PDE3A: variants seen among roughly 807,000 people sequenced by gnomAD.
The protein encoded by PDE3A is cGMP-inhibited 3',5'-cyclic phosphodiesterase 3A.
In PDE3A, 43 loss-of-function variants were observed where a neutral mutation model predicts 98.3. That is an observed-to-expected ratio of 0.44 (90% CI 0.34 to 0.56). The LOEUF (loss-of-function observed/expected upper bound fraction) is 0.56, where lower values mean the gene tolerates loss of function less well. PDE3A is among the 20% of genes least tolerant of loss of function. The pLI is 0.01. For missense variants in PDE3A, 1,427 were observed against 1,440.7 expected (o/e 0.99, Z 0.15); for synonymous variants, 663 against 567.9 (o/e 1.17, Z -2.38).
chr12:20,604,012 T>A (rs943997957), intron 2 of PDE3A, among the ~76,000 whole-genome samples: 2 of 151,682 alleles, frequency 1.3e-5, no homozygotes, highest in Non-Finnish European at 2.9e-5. Flanking sequence ...CTACCAAAAA[T>A]ACAAAAATTA....
In PDE3A at chr12:20,368,771, G is replaced by A. The variant is rs1943394854; in HGVS notation, c.-514G>A. Among the ~76,000 whole-genome samples the A allele has an allele frequency of 1.3e-5, 2 of 152,094 alleles. No individual in the cohort carries two copies. The highest frequency in any genetic ancestry group is 1.5e-5 in the Non-Finnish European group (1 of 67,964). On this transcript the variant is annotated 5_prime_UTR_variant, in exon 1 of 16. Coordinates refer to ENST00000359062, the MANE Select transcript of PDE3A (RefSeq NM_000921.5). ...AAGAGCTGCAGGAAGGAGGAGAAGG[G>A]AGACCTCCATCTGCCGCGGGCCCGG...
At chr12:20,523,544 A>C (rs1946466595) in intron 1 of PDE3A, among the ~76,000 whole-genome samples, 2 of 152,156 alleles carry the variant, frequency 1.3e-5, no homozygotes, top group African/African-American at 4.8e-5. Flanking sequence ...TAGTACTTAG[A>C]TCATTTTGAC....
intron 2 of PDE3A, among the ~76,000 whole-genome samples, chr12:20,568,951 T>C (rs937832879): frequency 5.3e-5 from 8 of 152,118 alleles, no homozygotes; most frequent in African/African-American, 1.9e-4. Context: ...AGTACATTGA[T>C]AAATGTGGAT....
intron 1 of PDE3A, among the ~76,000 whole-genome samples, chr12:20,510,030 A>G (rs1033903652): frequency 1.4e-4 from 22 of 152,018 alleles, no homozygotes; most frequent in Non-Finnish European, 2.4e-4. Flanking sequence ...TGTGCTTGAC[A>G]TACATTAATA....
chr12:20,369,519 A>G lies in PDE3A; in HGVS notation c.235A>G (p.Arg79Gly). 1.3e-6 allele frequency: 2 copies of G among 1,560,770 alleles called. No homozygotes were observed. The highest frequency in any genetic ancestry group is 2.4e-5 in the East Asian group (1 of 42,004). The change falls in exon 1 of 16, where the codon AGG becomes GGG. Residue 79 changes from arginine to glycine, a missense_variant. Arg to Gly is a moderately radical substitution (Grantham distance 125). Around this residue, in one of 3 missense-constraint regions of PDE3A, gnomAD observed 1,012 missense variants for 886.5 expected, o/e 1.14. Coordinates refer to ENST00000359062, the MANE Select transcript of PDE3A (RefSeq NM_000921.5). ...SLSFLLALLVRLVRGEVGCDL... is the reference protein window; with the variant it reads ...SLSFLLALLVGLVRGEVGCDL... ...GTCCTTTCTGCTGGCGCTGCTGGTG[A>G]GGCTGGTCCGCGGGGAGGTCGGCTG...
At chr12:20,665,518 C>T (rs534574188) in intron 15 of PDE3A, among the ~76,000 whole-genome samples, 47 of 152,142 alleles carry the variant, frequency 3.1e-4, no homozygotes, top group Middle Eastern at 3.4e-3. Context: ...ACAGGTTTGT[C>T]CAAGGCTCCC....
At chr12:20,587,635 A>C (rs751931668) in intron 2 of PDE3A, among the ~76,000 whole-genome samples, 1 of 152,216 alleles carries the variant, frequency 6.6e-6, no homozygotes, top group Non-Finnish European at 1.5e-5. Context: ...TCTGATTTCA[A>C]CTTCGGAAAA....
At chr12:20,458,421 TC>T (rs1945190396) in intron 1 of PDE3A, among the ~76,000 whole-genome samples, 1 of 151,854 alleles carries the variant, frequency 6.6e-6, no homozygotes, top group African/African-American at 2.4e-5. Context: ...GTTAGACAAA[TC>T]TTTTTGTATA....
chr12:20,518,087 C>A (rs1946355200), intron 1 of PDE3A, among the ~76,000 whole-genome samples: 1 of 152,070 alleles, frequency 6.6e-6, no homozygotes, highest in South Asian at 2.1e-4. Context: ...ATTTGAATAT[C>A]AAAATATTTT....
chr12:20,648,035 A>C (rs1166701340), intron 12 of PDE3A, among the ~76,000 whole-genome samples: 2 of 151,766 alleles, frequency 1.3e-5, no homozygotes, highest in Non-Finnish European at 2.9e-5. Context: ...AAAATTCTCT[A>C]ATAAAACTTC....
intron 1 of PDE3A, among the ~76,000 whole-genome samples, chr12:20,483,524 A>G (rs1328247669): frequency 1.3e-5 from 2 of 152,206 alleles, no homozygotes; most frequent in Non-Finnish European, 2.9e-5. Flanking sequence ...ACCCAGTATC[A>G]AGTATGTGTT....
chr12:20,566,659 A>C (rs1256621524), intron 2 of PDE3A, among the ~76,000 whole-genome samples: 3 of 151,956 alleles, frequency 2.0e-5, no homozygotes, highest in Non-Finnish European at 4.4e-5. Context: ...TCTAGTTCTC[A>C]AAGGACTGGG....
chr12:20,374,178 C>T (rs55817819), intron 1 of PDE3A, among the ~76,000 whole-genome samples: 2,002 of 152,046 alleles, frequency 0.013, 81 homozygotes, highest in Admixed American at 0.079. Context: ...ATTTCCTTAT[C>T]CCTTGGGAAA....
Position 20,680,428 on chromosome 12 carries a change from G to A in PDE3A, c.*157G>A, listed in dbSNP as rs1945748035. The A allele has an allele frequency of 1.3e-6, 1 of 765,856 alleles. No individual in the cohort carries two copies. Among genetic ancestry groups the A allele is most frequent in the South Asian group, 2.0e-5 (1 of 49,868 alleles). The allele number at this position is 765,856 out of a possible 1,614,324, so 47.4% of individuals were successfully genotyped here. On this transcript the variant is annotated 3_prime_UTR_variant, in exon 16 of 16. Transcript: ENST00000359062. ...CGCATTTTGTGTGTATATTTTTACA[G>A]TGAGGTACATTGTTAAAAACTTTTT...
chr12:20,663,821 T>C (rs1945240259), intron 15 of PDE3A, among the ~76,000 whole-genome samples: 1 of 152,084 alleles, frequency 6.6e-6, no homozygotes, highest in African/African-American at 2.4e-5. Context: ...TTGGGGGACT[T>C]TTGGAAAGGC....
At chr12:20,386,152 T>TATACATAA (rs1565532658) in intron 1 of PDE3A, among the ~76,000 whole-genome samples, 1 of 83,694 alleles carries the variant, frequency 1.2e-5, no homozygotes, top group East Asian at 3.1e-4. Context: ...AATATATATA[T>TATACATAA]AAATATATAT....
intron 1 of PDE3A, among the ~76,000 whole-genome samples, chr12:20,551,085 C>T (rs955499327): frequency 6.6e-6 from 1 of 151,094 alleles, no homozygotes; most frequent in Non-Finnish European, 1.5e-5. Context: ...TCCCTGTTTT[C>T]CAAATATTCA....
At chr12:20,669,880 C>T (rs1447731730) in intron 15 of PDE3A, among the ~76,000 whole-genome samples, 2 of 151,758 alleles carry the variant, frequency 1.3e-5, no homozygotes, top group Non-Finnish European at 2.9e-5. Flanking sequence ...GGACTAAATG[C>T]TCCAATTAAA....
intron 1 of PDE3A, among the ~76,000 whole-genome samples, chr12:20,540,058 G>C (rs1941853568): frequency 6.6e-6 from 1 of 152,074 alleles, no homozygotes; most frequent in Admixed American, 6.6e-5. Context: ...AAAGTAAACT[G>C]TAACAGGACT....
Sources: allele counts gnomAD v4.1 joint callset (sites outside exome capture counted in the v4.1 genomes callset), GRCh38; gene constraint gnomAD v4.1.1; regional missense constraint gnomAD v4.1.1; transcripts MANE v1.5; gene names NCBI Gene and HGNC (gene_info 2026-07-23, HGNC 2026-07-21).